Variants in ABHD12 observed in about 807,000 individuals in gnomAD.
ABHD12 encodes abhydrolase domain containing 12, lysophospholipase, also known as lysophosphatidylserine lipase ABHD12.
A neutral mutation model predicts 58.3 loss-of-function variants in ABHD12; 43 were observed. That is an observed-to-expected ratio of 0.74 (90% CI 0.58 to 0.95). The LOEUF (loss-of-function observed/expected upper bound fraction) is 0.95. ABHD12 is among the 40% of genes least tolerant of loss of function. ABHD12 has a pLI of 0.00. For missense variants in ABHD12, 539 were observed against 537.2 expected, an observed-to-expected ratio of 1.00 and a Z score of -0.03; for synonymous variants, 219 against 211.2, an observed-to-expected ratio of 1.04 and a Z score of -0.32.
At chr20:25,344,022 A>T (rs1326027479) in intron 1 of ABHD12, among the ~76,000 whole-genome samples, 1 of 152,206 alleles carries the variant, frequency 6.6e-6, no homozygotes, top group Non-Finnish European at 1.5e-5. Flanking sequence ...GAAAAATCAC[A>T]TGATCATATA....
Position 25,316,250 on chromosome 20 carries a change from C to A in ABHD12, c.573+798G>T, listed in dbSNP as rs536958557. Among the ~76,000 whole-genome samples, 7 of 152,296 alleles carry A rather than the reference C, an allele frequency of 4.6e-5. No homozygotes were observed. The East Asian group carries it at 1.3e-3, about 29-fold the overall frequency. ...TCTTGGCTCACTGCAACCTCCGCCT[C>A]CCAGGTTTAAGCAATTCTCTGCCTC... On this transcript the variant is annotated intron_variant, in intron 5 of 12. Coordinates refer to ENST00000339157, the MANE Select transcript of ABHD12 (RefSeq NM_001042472.3).
Position 25,325,223 on chromosome 20 carries a change from A to G in ABHD12, c.317-1793T>C, listed in dbSNP as rs2089154047. 2.7e-5 allele frequency among the ~76,000 whole-genome samples: 4 copies of G among 150,640 alleles called. No individual in the cohort carries two copies. In the South Asian group the frequency reaches 8.4e-4, roughly 32 times the overall value. ...TGTTTCAAAAAAAAAAAAAAAAAAA[A>G]AAAAAAAGAACTGGCTTTGAACCCG... On this transcript the variant is annotated intron_variant, in intron 2 of 12. Coordinates refer to ENST00000339157, the MANE Select transcript of ABHD12 (RefSeq NM_001042472.3).
intron 1 of ABHD12, among the ~76,000 whole-genome samples, chr20:25,367,577 T>C (rs1269259022): frequency 6.6e-6 from 1 of 152,208 alleles, no homozygotes; most frequent in East Asian, 1.9e-4. Context: ...ACTCCCATTC[T>C]CCATCCCCCA....
intron 1 of ABHD12, among the ~76,000 whole-genome samples, chr20:25,355,847 G>C (rs1202438866): frequency 1.4e-5 from 2 of 139,118 alleles, no homozygotes; most frequent in African/African-American, 5.5e-5. Flanking sequence ...GTGAGCCACT[G>C]CGCCCAGCCC....
At chr20:25,363,780 G>A (rs550844214) in intron 1 of ABHD12, among the ~76,000 whole-genome samples, 33 of 152,110 alleles carry the variant, frequency 2.2e-4, no homozygotes, top group African/African-American at 6.3e-4. Context: ...CAGCAGAATC[G>A]CTTGAACCCA....
chr20:25,333,530 T>G (rs1477423905), intron 2 of ABHD12, among the ~76,000 whole-genome samples: 1 of 150,550 alleles, frequency 6.6e-6, no homozygotes, highest in South Asian at 2.1e-4. Flanking sequence ...ACCAATATCC[T>G]TGATGAACAT....
At chr20:25,389,462 AAAG>A (rs1014740695) in intron 1 of ABHD12, among the ~76,000 whole-genome samples, 4 of 152,192 alleles carry the variant, frequency 2.6e-5, no homozygotes, top group African/African-American at 9.7e-5. Flanking sequence ...GATGGTCAAA[AAAG>A]AAGTGCCTCT....
intron 1 of ABHD12, among the ~76,000 whole-genome samples, chr20:25,389,533 G>A (rs1318844741): frequency 3.3e-5 from 5 of 152,162 alleles, no homozygotes; most frequent in African/African-American, 1.2e-4. Flanking sequence ...GAAGTAGCAA[G>A]GCTTCAAAGC....
At chr20:25,303,329 CT>C (rs2088672203) in intron 11 of ABHD12, 1 of 1,441,758 alleles carries the variant, frequency 6.9e-7, no homozygotes, top group South Asian at 1.4e-5. Flanking sequence ...CAGTGGGCCC[CT>C]GCCCCAACCT....
chr20:25,323,505 TCACA>T (rs1173960791), intron 2 of ABHD12, 75 bp from the exon 3 acceptor site: 3 of 925,322 alleles, frequency 3.2e-6, no homozygotes, highest in African/African-American at 1.6e-5. Flanking sequence ...ACATGCATAC[TCACA>T]CACGTGCACA....
chr20:25,314,120 G>T (rs915733301), intron 6 of ABHD12, among the ~76,000 whole-genome samples: 7 of 151,970 alleles, frequency 4.6e-5, no homozygotes, highest in Non-Finnish European at 8.8e-5. Context: ...CTACAGGTGC[G>T]AGCCATTACG....
At chr20:25,308,432 G>T in intron 8 of ABHD12, 25 bp downstream of exon 8, 1 of 1,609,228 alleles carries the variant, frequency 6.2e-7, no homozygotes, top group East Asian at 2.2e-5. Context: ...TCACTGCCAC[G>T]GCTGGGGCCC....
At chr20:25,311,756 G>GT (rs2088853131) in intron 6 of ABHD12, among the ~76,000 whole-genome samples, 1 of 152,194 alleles carries the variant, frequency 6.6e-6, no homozygotes, top group African/African-American at 2.4e-5. Flanking sequence ...TCAGGCTGGA[G>GT]TGCGGTGGCA....
At chr20:25,376,978 G>C (rs1174846664) in intron 1 of ABHD12, among the ~76,000 whole-genome samples, 1 of 152,206 alleles carries the variant, frequency 6.6e-6, no homozygotes, top group African/African-American at 2.4e-5. Context: ...GTGAGAGAGA[G>C]AGGGCCCCTC....
intron 1 of ABHD12, among the ~76,000 whole-genome samples, chr20:25,387,025 T>C (rs968863155): frequency 1.2e-4 from 18 of 152,222 alleles, no homozygotes; most frequent in African/African-American, 4.3e-4. Flanking sequence ...AAAATCTCTA[T>C]GATCATTCCA....
intron 1 of ABHD12, among the ~76,000 whole-genome samples, chr20:25,353,479 G>C (rs2482930): frequency 0.6 from 90,521 of 152,006 alleles, 28,032 homozygotes; most frequent in African/African-American, 0.72. Flanking sequence ...CATGTGTTTG[G>C]GAATATGGTT....
intron 2 of ABHD12, among the ~76,000 whole-genome samples, chr20:25,329,726 G>C (rs2089236538): frequency 6.6e-6 from 1 of 152,200 alleles, no homozygotes; most frequent in Admixed American, 6.5e-5. Flanking sequence ...TAACAGAGCA[G>C]CCTTGATACC....
chr20:25,317,076 C>G lies in ABHD12; in HGVS notation c.545G>C (p.Gly182Ala). The G allele has an allele frequency of 6.2e-7, 1 of 1,611,962 alleles. No homozygotes were observed. The highest frequency in any genetic ancestry group is 8.5e-7 in the Non-Finnish European group (1 of 1,178,866). The change falls in exon 5 of 13, where the codon GGA becomes GCA. Residue 182 changes from glycine to alanine, a missense_variant and splice_region_variant. Gly to Ala is a moderately conservative substitution (Grantham distance 60). Coordinates refer to ENST00000339157, the MANE Select transcript of ABHD12 (RefSeq NM_001042472.3). ...GTAAAGCTCCACGCGGTGGTCGCCT[C>G]CTCTGGAGAAGAAAACAGGACATGG... Reference protein sequence around the residue: ...LYLHGNAGTRGGDHRVELYKV... With the variant: ...LYLHGNAGTRAGDHRVELYKV...
downstream of ABHD12, chr20:25,296,457 C>T (rs199554595): frequency 4.8e-5 from 77 of 1,613,988 alleles, no homozygotes; most frequent in Admixed American, 3.2e-4. Context: ...GGAGTATGCA[C>T]GGGAGATCTG....
Sources: gnomAD v4.1 joint callset for allele counts (sites outside exome capture counted in the v4.1 genomes callset) on GRCh38, gnomAD v4.1.1 for gene constraint, MANE v1.5 for transcripts, NCBI Gene and HGNC (gene_info 2026-07-23, HGNC 2026-07-21) for gene names.